EEFSEC: variants seen among roughly 807,000 people sequenced by gnomAD.
EEFSEC encodes the protein eukaryotic elongation factor, selenocysteine-tRNA specific, also known as selenocysteine-specific elongation factor.
EEFSEC carries 43 observed loss-of-function variants against 42.1 expected under a neutral mutation model. The observed-to-expected ratio is 1.02, with a 90% CI of 0.80 to 1.32. The LOEUF (loss-of-function observed/expected upper bound fraction) is 1.32, where lower values mean the gene tolerates loss of function less well. Among genes scored for constraint, EEFSEC ranks in the 40% most tolerant of loss-of-function variants. EEFSEC has a pLI of 0.00. For synonymous variants in EEFSEC, 354 were observed against 339.1 expected, an observed-to-expected ratio of 1.04 and a Z score of -0.48; for missense variants, 745 against 803.6, an observed-to-expected ratio of 0.93 and a Z score of 0.88.
At chr3:128,155,141 A>G (rs1944354375) in intron 1 of EEFSEC, among the ~76,000 whole-genome samples, 1 of 151,806 alleles carries the variant, frequency 6.6e-6, no homozygotes, top group Admixed American at 6.6e-5. Context: ...TCTGAGATGG[A>G]GTCTCGCTCT....
chr3:128,323,978 G>A (rs1379394170), intron 4 of EEFSEC, among the ~76,000 whole-genome samples: 1 of 152,148 alleles, frequency 6.6e-6, no homozygotes, highest in Non-Finnish European at 1.5e-5. Flanking sequence ...AAACCAGACC[G>A]TTGAAGGGGC....
the EEFSEC span, among the ~76,000 whole-genome samples, chr3:128,426,081 G>T: frequency 6.6e-6 from 1 of 152,200 alleles, no homozygotes; most frequent in Non-Finnish European, 1.5e-5. Context: ...CGCAGGAGGG[G>T]CTACTGTCGC....
chr3:128,211,238 A>G (rs1398140345), intron 1 of EEFSEC, among the ~76,000 whole-genome samples: 1 of 152,136 alleles, frequency 6.6e-6, no homozygotes, highest in Non-Finnish European at 1.5e-5. Context: ...ACAGAAATGT[A>G]GGAAGGCTAT....
intron 1 of EEFSEC, among the ~76,000 whole-genome samples, chr3:128,202,849 G>C (rs2065656819): frequency 6.6e-6 from 1 of 152,130 alleles, no homozygotes; most frequent in Non-Finnish European, 1.5e-5. Context: ...TGTGGTGAAT[G>C]GTTTTATCAG....
intron 1 of EEFSEC, among the ~76,000 whole-genome samples, chr3:128,176,772 TG>T (rs1474527392): frequency 1.1e-4 from 17 of 152,152 alleles, no homozygotes; most frequent in African/African-American, 4.1e-4. Flanking sequence ...TCAACTTCCT[TG>T]TTTGCAAGAT....
At chr3:128,345,093 A>G (rs2067297484) in intron 5 of EEFSEC, among the ~76,000 whole-genome samples, 1 of 152,160 alleles carries the variant, frequency 6.6e-6, no homozygotes, top group Non-Finnish European at 1.5e-5. Context: ...ACCACCTGCT[A>G]GTGTGAAAAG....
At chr3:128,261,827 G>A (rs1295561643) in intron 2 of EEFSEC, among the ~76,000 whole-genome samples, 1 of 152,152 alleles carries the variant, frequency 6.6e-6, no homozygotes, top group Non-Finnish European at 1.5e-5. Context: ...AGAAGCCTAG[G>A]GGCCAGGATC....
At chr3:128,319,366 A>G (rs997143460) in intron 4 of EEFSEC, among the ~76,000 whole-genome samples, 29 of 152,242 alleles carry the variant, frequency 1.9e-4, no homozygotes, top group African/African-American at 6.8e-4. Context: ...CGAGAGCAGT[A>G]AAGCCAGAGG....
At chr3:128,271,768 C>G (rs533214130) in intron 4 of EEFSEC, among the ~76,000 whole-genome samples, 1 of 152,182 alleles carries the variant, frequency 6.6e-6, no homozygotes, top group South Asian at 2.1e-4. Context: ...TGCTCCTCCC[C>G]TTGCCTCCCA....
chr3:128,247,484 C>T (rs756723573), intron 2 of EEFSEC, among the ~76,000 whole-genome samples: 7 of 152,168 alleles, frequency 4.6e-5, no homozygotes, highest in African/African-American at 9.7e-5. Context: ...CTCTACAACT[C>T]GATTATCAAA....
chr3:128,276,436 GC>G (rs1460196438), intron 4 of EEFSEC, among the ~76,000 whole-genome samples: 10 of 152,280 alleles, frequency 6.6e-5, no homozygotes, highest in Admixed American at 6.5e-4. Flanking sequence ...CTCACGTCCT[GC>G]CCCTGATTTG....
intron 4 of EEFSEC, among the ~76,000 whole-genome samples, chr3:128,324,698 A>G (rs1157291096): frequency 1.3e-5 from 2 of 152,224 alleles, no homozygotes; most frequent in African/African-American, 4.8e-5. Context: ...GCACAGTTGT[A>G]GGCCTAGGGC....
chr3:128,211,087 C>G (rs2065750934), intron 1 of EEFSEC, among the ~76,000 whole-genome samples: 1 of 152,156 alleles, frequency 6.6e-6, no homozygotes, highest in Admixed American at 6.5e-5. Context: ...ATTTGCAAAA[C>G]AGGGTTAATA....
intron 4 of EEFSEC, among the ~76,000 whole-genome samples, chr3:128,316,719 C>T (rs2066949491): frequency 6.6e-6 from 1 of 152,144 alleles, no homozygotes. Flanking sequence ...GAGCCAGCAG[C>T]GTGGGGTTAC....
At chr3:128,376,370 A>AT (rs1214261994) in intron 6 of EEFSEC, among the ~76,000 whole-genome samples, 1 of 152,136 alleles carries the variant, frequency 6.6e-6, no homozygotes, top group Non-Finnish European at 1.5e-5. Context: ...TACCATCATC[A>AT]TCACCCTAAC....
At chr3:128,241,201 C>CTCTT (rs761624698) in intron 1 of EEFSEC, among the ~76,000 whole-genome samples, 27 of 80,664 alleles carry the variant, frequency 3.3e-4, no homozygotes, top group Admixed American at 1.8e-3. Flanking sequence ...CTCTCTCTCT[C>CTCTT]TTTTTTTTTT....
chr3:128,201,293 G>A (rs2065641311), intron 1 of EEFSEC, among the ~76,000 whole-genome samples: 1 of 151,862 alleles, frequency 6.6e-6, no homozygotes, highest in Non-Finnish European at 1.5e-5. Flanking sequence ...TTCCTGCCAG[G>A]GTACTAGGTA....
In EEFSEC at chr3:128,317,745, C is replaced by A. The variant is rs908475131; in HGVS notation, c.787-23488C>A. Among the ~76,000 whole-genome samples the A allele has an allele frequency of 6.6e-6, 1 of 152,260 alleles. No individual in the cohort carries two copies. Among genetic ancestry groups the A allele is most frequent in the South Asian group, 2.1e-4 (1 of 4,836 alleles). The stretch of plus-strand genomic sequence containing the variant: ...TTGTGCTCACGTACCATTCTCTCGC[C>A]GGCTGCTGACCAGTTGGGCCCTCTG... On this transcript the variant is annotated intron_variant, in intron 4 of 6. Coordinates refer to ENST00000254730, the MANE Select transcript of EEFSEC (RefSeq NM_021937.5). The surrounding 1 kb of genome is among the most constrained non-coding windows in gnomAD (Gnocchi z 4.1).
At position 128,153,574 on chromosome 3, in the gene EEFSEC, C is replaced by T. The variant is rs745566929; in HGVS notation, c.67C>T (p.Leu23=). 3.2e-6 allele frequency: 5 copies of T among 1,549,878 alleles called. No homozygotes were observed. Among genetic ancestry groups the T allele is most frequent in the South Asian group, 1.2e-5 (1 of 84,768 alleles). Residue 23 remains leucine (L), a synonymous_variant, in exon 1 of 7, where the codon CTG becomes TTG. Coordinates refer to ENST00000254730, the MANE Select transcript of EEFSEC (RefSeq NM_021937.5). ...CCACATCGACAGCGGCAAGACGGCG[C>T]TGGCGCGGGCGCTAAGCACCACAGC... ...LGHIDSGKTA[L]ARALSTTAST...
Sources: allele counts gnomAD v4.1 joint callset (sites outside exome capture counted in the v4.1 genomes callset), GRCh38; gene constraint gnomAD v4.1.1; non-coding constraint Gnocchi (gnomAD v3.1); transcripts MANE v1.5; gene names NCBI Gene and HGNC (gene_info 2026-07-23, HGNC 2026-07-21).